ABCD3: variants seen among roughly 807,000 people sequenced by gnomAD.
ABCD3 encodes ATP binding cassette subfamily D member 3.
ABCD3 carries 41 observed loss-of-function variants against 105.5 expected under a neutral mutation model. The ratio of observed to expected loss-of-function variants is 0.39; its 90% CI spans 0.30 to 0.50. The LOEUF is 0.50. Among genes scored for constraint, ABCD3 ranks in the 20% least tolerant of loss-of-function variants. ABCD3 has a pLI of 0.84. For missense variants in ABCD3, 622 were observed against 806.3 expected (o/e 0.77, Z 2.77); for synonymous variants, 258 against 269.0 (o/e 0.96, Z 0.40).
chr1:94,457,434 G>A (rs757900281), intron 1 of ABCD3, among the ~76,000 whole-genome samples: 22 of 152,034 alleles, frequency 1.4e-4, no homozygotes, highest in Non-Finnish European at 2.6e-4. Flanking sequence ...GCAGATCATC[G>A]GAGTTCAAAC....
At chr1:94,413,759 T>C (rs941238678), upstream of ABCD3, among the ~76,000 whole-genome samples, 9 of 152,226 alleles carry the variant, frequency 5.9e-5, no homozygotes, top group Non-Finnish European at 1.3e-4. Context: ...GGTGTTTACC[T>C]TTCCAGAGAA....
the ABCD3 span, among the ~76,000 whole-genome samples, chr1:94,392,360 A>G: frequency 6.6e-6 from 1 of 152,218 alleles, no homozygotes; most frequent in Admixed American, 6.6e-5. Context: ...TGTGAGGATC[A>G]TGCAGAATGG....
In ABCD3 at chr1:94,477,227, C is replaced by CA. The variant is rs561060182; in HGVS notation, c.628-1004dup. ...TCTAGCTTCTTGATAACTTATAAGG[C>CA]AAAAAAAAAAAAAAAAAAAAAAAAA... On this transcript the variant is annotated intron_variant, in intron 7 of 22. Coordinates refer to ENST00000370214, the MANE Select transcript of ABCD3 (RefSeq NM_002858.4). 3.7e-3 allele frequency among the ~76,000 whole-genome samples: 165 copies of CA among 44,302 alleles called. 3 individuals are homozygous for CA. Among genetic ancestry groups the CA allele is most frequent in the African/African-American group, 0.011 (121 of 11,304 alleles). 29.1% of individuals were successfully genotyped at this position (44,302 alleles called of 152,430 possible). A position where few individuals can be genotyped will look rare whatever the true frequency, so the allele number is the denominator to read the frequency against.
At chr1:94,428,831 C>A (rs1242433415) in intron 1 of ABCD3, among the ~76,000 whole-genome samples, 1 of 151,886 alleles carries the variant, frequency 6.6e-6, no homozygotes, top group African/African-American at 2.4e-5. Flanking sequence ...ACTAATACAG[C>A]AAATTAGTAC....
the ABCD3 span, among the ~76,000 whole-genome samples, chr1:94,391,349 G>A: frequency 1.3e-5 from 2 of 152,052 alleles, no homozygotes; most frequent in Non-Finnish European, 2.9e-5. Flanking sequence ...TAACATTTTG[G>A]TTGACTCTCT....
At chr1:94,455,815 G>A (rs1028853409) in intron 1 of ABCD3, 1 of 1,283,452 alleles carries the variant, frequency 7.8e-7, no homozygotes, top group African/African-American at 1.5e-5. Flanking sequence ...GTAGGTGTGT[G>A]TGTACATGTG....
At chr1:94,428,234 A>C (rs1263118342) in intron 1 of ABCD3, among the ~76,000 whole-genome samples, 1 of 152,224 alleles carries the variant, frequency 6.6e-6, no homozygotes. Context: ...TCAAAGCATA[A>C]TCAGCTAGTT....
At chr1:94,453,054 G>A (rs12564675) in intron 1 of ABCD3, among the ~76,000 whole-genome samples, 2 of 152,134 alleles carry the variant, frequency 1.3e-5, no homozygotes, top group East Asian at 3.9e-4. Context: ...CCAAAGTGCA[G>A]GTGTGAGCCC....
chr1:94,503,571 CTT>C (rs998495275), intron 20 of ABCD3, among the ~76,000 whole-genome samples: 4 of 152,152 alleles, frequency 2.6e-5, no homozygotes, highest in African/African-American at 9.7e-5. Context: ...TTTCAGGTCT[CTT>C]TGATCTAAAA....
intron 21 of ABCD3, chr1:94,513,790 A>G (rs192671022): frequency 6.6e-6 from 1 of 152,038 alleles, no homozygotes; most frequent in African/African-American, 2.4e-5. Context: ...CAATTATTGT[A>G]GTATCATAAA....
chr1:94,399,542 C>G, the ABCD3 span, among the ~76,000 whole-genome samples: 2 of 152,124 alleles, frequency 1.3e-5, no homozygotes, highest in Non-Finnish European at 2.9e-5. Context: ...AAGTTGAGAG[C>G]CAAAGATTAA....
chr1:94,494,429 A>G (rs1255946966), intron 16 of ABCD3, among the ~76,000 whole-genome samples: 2 of 152,138 alleles, frequency 1.3e-5, no homozygotes, highest in African/African-American at 4.8e-5. Flanking sequence ...AAGTATTCTA[A>G]AGTAGACCTG....
At chr1:94,502,529 T>G (rs1650149048) in intron 20 of ABCD3, among the ~76,000 whole-genome samples, 1 of 151,090 alleles carries the variant, frequency 6.6e-6, no homozygotes, top group African/African-American at 2.4e-5. Context: ...CAGAGTCTCA[T>G]TCTGTCGCCC....
intron 2 of ABCD3, among the ~76,000 whole-genome samples, chr1:94,464,292 CTATT>C (rs1163206514): frequency 7.9e-5 from 12 of 151,020 alleles, no homozygotes; most frequent in Admixed American, 4.0e-4. Flanking sequence ...AAAGTTTCCT[CTATT>C]TAATATCAGG....
At chr1:94,516,861 C>G (rs546006401) in intron 22 of ABCD3, among the ~76,000 whole-genome samples, 191 bp from the exon 23 acceptor site, 2 of 151,860 alleles carry the variant, frequency 1.3e-5, no homozygotes, top group Non-Finnish European at 2.9e-5. Flanking sequence ...AACAGTCTTG[C>G]ATTTAGCACA....
intron 13 of ABCD3, among the ~76,000 whole-genome samples, chr1:94,489,182 A>G (rs550806836): frequency 6.6e-6 from 1 of 152,124 alleles, no homozygotes; most frequent in South Asian, 2.1e-4. Flanking sequence ...ATTTTTCTCT[A>G]TTGCCACAGT....
the ABCD3 span, among the ~76,000 whole-genome samples, chr1:94,399,308 A>T: frequency 6.6e-6 from 1 of 152,242 alleles, no homozygotes; most frequent in African/African-American, 2.4e-5. Flanking sequence ...TAATGCACAC[A>T]CATTTTTGTT....
At chr1:94,494,323 G>A (rs887969269) in intron 16 of ABCD3, among the ~76,000 whole-genome samples, 1 of 152,054 alleles carries the variant, frequency 6.6e-6, no homozygotes, top group African/African-American at 2.4e-5. Context: ...ACTTCCTGGT[G>A]TTTATCCTGT....
At chr1:94,392,826 A>G in the ABCD3 span, among the ~76,000 whole-genome samples, 1 of 152,154 alleles carries the variant, frequency 6.6e-6, no homozygotes. Context: ...GAAAAGTCTT[A>G]TTGTAGGCTG....
Sources: allele counts gnomAD v4.1 joint callset (sites outside exome capture counted in the v4.1 genomes callset), GRCh38; gene constraint gnomAD v4.1.1; transcripts MANE v1.5; gene names NCBI Gene and HGNC (gene_info 2026-07-23, HGNC 2026-07-21).